KCNT2: variants seen among roughly 807,000 people sequenced by gnomAD.
KCNT2 encodes potassium sodium-activated channel subfamily T member 2.
A neutral mutation model predicts 153.8 loss-of-function variants in KCNT2; 67 were observed. The observed-to-expected ratio is 0.44, with a 90% CI of 0.36 to 0.53. The LOEUF is 0.53. Among genes scored for constraint, KCNT2 ranks in the 20% least tolerant of loss-of-function variants. The pLI is 0.00. For missense variants in KCNT2, 975 were observed against 1,354.8 expected, an observed-to-expected ratio of 0.72 and a Z score of 4.40; for synonymous variants, 500 against 458.8, an observed-to-expected ratio of 1.09 and a Z score of -1.15.
chr1:196,551,624 A>T (rs1158524883), intron 1 of KCNT2, among the ~76,000 whole-genome samples: 2 of 151,688 alleles, frequency 1.3e-5, no homozygotes, highest in African/African-American at 4.8e-5. Context: ...TGCATCTGGC[A>T]CTTGCAGTGG....
chr1:196,290,669 A>G (rs974920121), intron 22 of KCNT2, among the ~76,000 whole-genome samples: 2 of 152,086 alleles, frequency 1.3e-5, no homozygotes, highest in East Asian at 1.9e-4. Flanking sequence ...TAATTTTAAT[A>G]TACTTAAATA....
At chr1:196,529,332 A>G (rs1654644035) in intron 1 of KCNT2, among the ~76,000 whole-genome samples, 1 of 152,128 alleles carries the variant, frequency 6.6e-6, no homozygotes, top group African/African-American at 2.4e-5. Flanking sequence ...CATGTCAGCA[A>G]AAACATCCAA....
chr1:196,258,435 C>A lies in KCNT2; in HGVS notation c.2970G>T (p.Gly990=). The A allele has an allele frequency of 6.2e-7, 1 of 1,613,650 alleles. No homozygotes were observed. The highest frequency in any genetic ancestry group is 8.5e-7 in the Non-Finnish European group (1 of 1,179,914). ...AGTTGCGGTGGTTGCTGCGGTGGTG[C>A]CCTTGTTCTTTGGAGTCTTTGGTGT... ...WEDTKDSKEQ[G]HHRSNHRNST... The change falls in exon 26 of 28, where the codon GGG becomes GGT. Residue 990 remains glycine, a synonymous_variant. Transcript: ENST00000294725.
At chr1:196,444,145 G>A (rs1675484361) in intron 8 of KCNT2, among the ~76,000 whole-genome samples, 1 of 151,202 alleles carries the variant, frequency 6.6e-6, no homozygotes, top group Non-Finnish European at 1.5e-5. Flanking sequence ...TGGAGTGTAT[G>A]TGTGGGTCTA....
At chr1:196,467,554 C>A in intron 7 of KCNT2, 149 bp downstream of exon 7, 10 of 419,524 alleles carry the variant, frequency 2.4e-5, no homozygotes, top group South Asian at 1.9e-4. Context: ...TAATTAATTC[C>A]AATAGTATGA....
At chr1:196,526,513 G>A (rs1280475236) in intron 1 of KCNT2, among the ~76,000 whole-genome samples, 1 of 151,656 alleles carries the variant, frequency 6.6e-6, no homozygotes, top group Non-Finnish European at 1.5e-5. Flanking sequence ...GAGTGCAGTG[G>A]CACGATCTCG....
chr1:196,341,201 T>C (rs544517712), intron 15 of KCNT2, among the ~76,000 whole-genome samples: 1 of 152,186 alleles, frequency 6.6e-6, no homozygotes, highest in Admixed American at 6.5e-5. Context: ...ACAAATATCA[T>C]AGTTTTAACC....
intron 1 of KCNT2, among the ~76,000 whole-genome samples, chr1:196,540,127 T>G (rs1205225248): frequency 6.6e-6 from 1 of 152,148 alleles, no homozygotes; most frequent in Non-Finnish European, 1.5e-5. Context: ...ATGCTGTTGT[T>G]GAGTAAAAGG....
At chr1:196,435,646 T>G (rs1572441610) in intron 8 of KCNT2, among the ~76,000 whole-genome samples, 1 of 151,890 alleles carries the variant, frequency 6.6e-6, no homozygotes, top group East Asian at 1.9e-4. Context: ...CATAATCCGA[T>G]TATGTCACAG....
At chr1:196,588,364 T>TA (rs1662942805) in intron 1 of KCNT2, among the ~76,000 whole-genome samples, 1 of 152,008 alleles carries the variant, frequency 6.6e-6, no homozygotes. Context: ...TTACTTAAAA[T>TA]AATGAAAACA....
intron 21 of KCNT2, among the ~76,000 whole-genome samples, chr1:196,310,759 A>G (rs1662096169): frequency 6.6e-6 from 1 of 151,500 alleles, no homozygotes; most frequent in Non-Finnish European, 1.5e-5. Flanking sequence ...GCTCTCACCC[A>G]CTCTTTCTTT....
chr1:196,571,666 G>C (rs1483284687), intron 1 of KCNT2, among the ~76,000 whole-genome samples: 1 of 152,016 alleles, frequency 6.6e-6, no homozygotes, highest in Non-Finnish European at 1.5e-5. Flanking sequence ...TCAAACTAGA[G>C]TCCAAATGGT....
chr1:196,449,167 T>G (rs1450011446), intron 8 of KCNT2, among the ~76,000 whole-genome samples: 2 of 151,678 alleles, frequency 1.3e-5, no homozygotes, highest in Admixed American at 6.6e-5. Context: ...CTCTCAATTG[T>G]CAATATTAAA....
rs760735352 is a variant in KCNT2, at chr1:196,396,249, A to T, written c.1294+2314T>A. On this transcript the variant is annotated intron_variant, in intron 13 of 27. Transcript: ENST00000294725. Reference sequence around the variant, plus strand: ...GTTCCAAAACAGCAAAAGCAGAACCAGTATGACCTTTTAAGTCTTAGCTTC... The same window carrying T: ...GTTCCAAAACAGCAAAAGCAGAACCTGTATGACCTTTTAAGTCTTAGCTTC... Among the ~76,000 whole-genome samples, 52 of 151,820 alleles carry T rather than the reference A, an allele frequency of 3.4e-4. 1 individual carries two copies. The Middle Eastern group carries it at 0.017, about 50-fold the overall frequency.
chr1:196,326,706 A>G lies in KCNT2; in HGVS notation c.2276+11T>C, dbSNP rs569216833. ...AGTTTATCTTGTTTGTGTATCTTAA[A>G]ATATACTTACGGGTTATCCAATAGC... On this transcript the variant is annotated intron_variant, in intron 19 of 27. Coordinates refer to ENST00000294725, the MANE Select transcript of KCNT2 (RefSeq NM_198503.5). The G allele has an allele frequency of 1.4e-6, 2 of 1,464,554 alleles. No homozygotes were observed. Among genetic ancestry groups the G allele is most frequent in the South Asian group, 1.4e-5 (1 of 71,410 alleles). The allele number at this position is 1,464,554 out of a possible 1,614,324, so 90.7% of individuals were successfully genotyped here. A position where few individuals can be genotyped will look rare whatever the true frequency, so the allele number is the denominator to read the frequency against.
intron 1 of KCNT2, among the ~76,000 whole-genome samples, chr1:196,569,529 C>A (rs1184750210): frequency 6.6e-6 from 1 of 152,074 alleles, no homozygotes; most frequent in Non-Finnish European, 1.5e-5. Flanking sequence ...ATAAAGCTAT[C>A]ATTTCATTTG....
At chr1:196,420,915 G>A (rs986456981) in intron 12 of KCNT2, among the ~76,000 whole-genome samples, 4 of 151,952 alleles carry the variant, frequency 2.6e-5, no homozygotes, top group Non-Finnish European at 5.9e-5. Flanking sequence ...ACCAGCAATG[G>A]ATATGTACAG....
At chr1:196,475,314 T>C (rs948696545) in intron 5 of KCNT2, among the ~76,000 whole-genome samples, 19 of 152,124 alleles carry the variant, frequency 1.2e-4, no homozygotes, top group Admixed American at 1.2e-3. Flanking sequence ...ATATTACTTT[T>C]CTTTAAAAAA....
chr1:196,259,027 T>C (rs757446601), intron 25 of KCNT2, among the ~76,000 whole-genome samples: 4 of 152,194 alleles, frequency 2.6e-5, no homozygotes, highest in Non-Finnish European at 4.4e-5. Flanking sequence ...TTCTCTCATA[T>C]GCTCCAGAAG....
Sources: gnomAD v4.1 joint callset for allele counts (sites outside exome capture counted in the v4.1 genomes callset) on GRCh38, gnomAD v4.1.1 for gene constraint, MANE v1.5 for transcripts, NCBI Gene and HGNC (gene_info 2026-07-23, HGNC 2026-07-21) for gene names.